Variants in TANC1 observed in about 807,000 individuals in gnomAD.
TANC1 encodes the protein protein TANC1.
TANC1 carries 77 observed loss-of-function variants against 149.7 expected under a neutral mutation model. That is an observed-to-expected ratio of 0.51 (90% CI 0.43 to 0.62). The LOEUF is 0.62. TANC1 is among the 20% of genes least tolerant of loss of function. The probability of loss-of-function intolerance (pLI) is 0.00; values close to 1 mark genes in which losing one functional copy is unlikely to be tolerated. For missense variants in TANC1, 1,985 were observed against 2,321.8 expected, an observed-to-expected ratio of 0.85 and a Z score of 2.98; for synonymous variants, 854 against 925.0, an observed-to-expected ratio of 0.92 and a Z score of 1.39.
At chr2:159,047,908 A>G (rs757153439) in intron 2 of TANC1, among the ~76,000 whole-genome samples, 1 of 152,212 alleles carries the variant, frequency 6.6e-6, no homozygotes, top group African/African-American at 2.4e-5. Context: ...GCCTATATAA[A>G]CAAGTGTAAT....
chr2:158,975,709 A>G (rs574700595), intron 1 of TANC1, among the ~76,000 whole-genome samples: 14 of 151,374 alleles, frequency 9.2e-5, no homozygotes, highest in African/African-American at 3.4e-4. Flanking sequence ...GTGCTGGATT[A>G]CAGAGTGAAC....
intron 7 of TANC1, chr2:159,150,799 T>TCCAGA: frequency 2.1e-6 from 1 of 470,754 alleles, no homozygotes; most frequent in East Asian, 3.7e-5. Flanking sequence ...AAAAAGGAAT[T>TCCAGA]CCAGATCAGA....
intron 4 of TANC1, among the ~76,000 whole-genome samples, chr2:159,108,649 C>G (rs937190485): frequency 6.6e-6 from 1 of 152,154 alleles, no homozygotes; most frequent in Non-Finnish European, 1.5e-5. Flanking sequence ...ACCTGATATT[C>G]CAGCTCGACT....
chr2:159,123,516 A>G (rs1337127130), intron 4 of TANC1, among the ~76,000 whole-genome samples: 1 of 151,384 alleles, frequency 6.6e-6, no homozygotes, highest in Non-Finnish European at 1.5e-5. Flanking sequence ...ACACCTCCCC[A>G]TATCTCCCTT....
chr2:159,172,055 A>G, intron 10 of TANC1, 66 bp from the exon 11 acceptor site: 1 of 1,492,064 alleles, frequency 6.7e-7, no homozygotes. Flanking sequence ...CAAATCAAGA[A>G]ATATATTCAA....
intron 24 of TANC1, chr2:159,226,276 G>T: frequency 5.9e-6 from 1 of 170,218 alleles, no homozygotes; most frequent in Non-Finnish European, 1.2e-5. Flanking sequence ...ACCTCTCTTT[G>T]TGTCTGAGAG....
At chr2:159,191,186 C>T (rs571498596) in intron 16 of TANC1, among the ~76,000 whole-genome samples, 2 of 152,300 alleles carry the variant, frequency 1.3e-5, no homozygotes, top group East Asian at 1.9e-4. Flanking sequence ...TTGTCACTTG[C>T]ACATGGCCTG....
chr2:158,987,594 C>T (rs1164290633), intron 1 of TANC1, among the ~76,000 whole-genome samples: 2 of 152,160 alleles, frequency 1.3e-5, no homozygotes, highest in African/African-American at 4.8e-5. Flanking sequence ...AGACCATTTG[C>T]TTATAATTAG....
chr2:158,978,468 G>C (rs2033940039), intron 1 of TANC1, among the ~76,000 whole-genome samples: 1 of 152,202 alleles, frequency 6.6e-6, no homozygotes, highest in Non-Finnish European at 1.5e-5. Flanking sequence ...TGAAATGGGA[G>C]GTTCCATAGG....
intron 7 of TANC1, among the ~76,000 whole-genome samples, chr2:159,159,027 A>G (rs1013874508): frequency 5.9e-5 from 9 of 152,226 alleles, no homozygotes; most frequent in Non-Finnish European, 2.9e-5. Context: ...GTCAGGTTAC[A>G]GTTAGCTTTC....
rs1377446130 is a variant in TANC1 at position 159,229,686 on chromosome 2, C to G, written c.4260C>G (p.Leu1420=). The change falls in exon 27 of 27, where the codon CTC becomes CTG. Residue 1420 remains leucine, a synonymous_variant. Coordinates refer to ENST00000263635, the MANE Select transcript of TANC1 (RefSeq NM_033394.3). ...LARVEEECKQ[L]QRSQQQKQQG... ...GCGTAGAAGAGGAGTGCAAACAACTCCAGAGGAGTCAACAGCAAAAACAGC... is the reference window on the plus strand; with the variant it reads ...GCGTAGAAGAGGAGTGCAAACAACTGCAGAGGAGTCAACAGCAAAAACAGC... 1.2e-6 allele frequency: 2 copies of G among 1,614,012 alleles called. No individual in the cohort carries two copies. The highest frequency in any genetic ancestry group is 2.2e-5 in the South Asian group (2 of 91,058).
intron 3 of TANC1, 109 bp from the exon 4 acceptor site, chr2:159,097,528 C>T: frequency 2.3e-6 from 2 of 867,466 alleles, no homozygotes; most frequent in South Asian, 3.3e-5. Flanking sequence ...TCAATACACA[C>T]ATCTGATATG....
At chr2:159,120,434 G>C (rs2048731529) in intron 4 of TANC1, among the ~76,000 whole-genome samples, 1 of 151,926 alleles carries the variant, frequency 6.6e-6, no homozygotes, top group South Asian at 2.1e-4. Context: ...GACTTTACAT[G>C]GTGGAGGGAC....
In TANC1 at chr2:159,067,016, C is replaced by G. The variant is rs2042728833; in HGVS notation, c.61+1045C>G. Among the ~76,000 whole-genome samples, 3 of 152,166 alleles carry G rather than the reference C, an allele frequency of 2.0e-5. No individual in the cohort carries two copies. The South Asian group carries it at 6.2e-4, about 32-fold the overall frequency. On this transcript the variant is annotated intron_variant, in intron 3 of 26. Coordinates refer to ENST00000263635, the MANE Select transcript of TANC1 (RefSeq NM_033394.3). ...CTCTGTAAACCCATGTTAATCCAGT[C>G]TCCTTGGAGAATGACTGGTTTTCTG...
At position 159,211,013 on chromosome 2, in the gene TANC1, G is replaced by A. The variant is rs376267795; in HGVS notation, c.3245-6484G>A. On this transcript the variant is annotated intron_variant, in intron 19 of 26. Coordinates refer to ENST00000263635, the MANE Select transcript of TANC1 (RefSeq NM_033394.3). ...AGCCTCCCAAGTAGCTGGGATTATA[G>A]GCGCGTGCCACCACTCCCGGCTAAT... Among the ~76,000 whole-genome samples the A allele has an allele frequency of 2.0e-5, 3 of 152,166 alleles. No individual in the cohort carries two copies. In the East Asian group the frequency reaches 5.8e-4, roughly 29 times the overall value.
rs780688141 is a variant in TANC1 at position 159,065,907 on chromosome 2, G to A, written c.-4G>A. ...TCTTTTCTCCTTAGAAACAAGTGTT[G>A]AAAATGTTAAAGGCTGTGCTGAAGA... On this transcript the variant is annotated 5_prime_UTR_variant, in exon 3 of 27. Transcript: ENST00000263635. 6 of 1,613,494 alleles carry A rather than the reference G, an allele frequency of 3.7e-6. No individual in the cohort carries two copies. Among genetic ancestry groups the A allele is most frequent in the Non-Finnish European group, 5.1e-6 (6 of 1,179,476 alleles).
intron 7 of TANC1, among the ~76,000 whole-genome samples, chr2:159,156,714 G>T (rs182922257): frequency 6.6e-6 from 1 of 152,330 alleles, no homozygotes. Flanking sequence ...TCTGGAAAAG[G>T]GTCATTAGAC....
intron 4 of TANC1, among the ~76,000 whole-genome samples, chr2:159,119,176 G>A (rs1206099732): frequency 6.6e-6 from 1 of 152,204 alleles, no homozygotes. Flanking sequence ...GTCTTCAGAT[G>A]TTTTTGTACA....
At chr2:159,214,672 G>A (rs1361611522) in intron 19 of TANC1, among the ~76,000 whole-genome samples, 3 of 152,170 alleles carry the variant, frequency 2.0e-5, no homozygotes, top group South Asian at 2.1e-4. Flanking sequence ...GTAGCATCAG[G>A]TGTCAGAGCA....
Sources: allele counts gnomAD v4.1 joint callset (sites outside exome capture counted in the v4.1 genomes callset), GRCh38; gene constraint gnomAD v4.1.1; transcripts MANE v1.5; gene names NCBI Gene and HGNC (gene_info 2026-07-23, HGNC 2026-07-21).